The following PLCL2 variants were observed in gnomAD, a reference collection of about 807,000 sequenced individuals.
PLCL2 encodes the protein phospholipase C like 2.
In PLCL2, 4 loss-of-function variants were observed where a neutral mutation model predicts 79.6. That is an observed-to-expected ratio of 0.05 (90% CI 0.02 to 0.11). PLCL2 has a LOEUF of 0.11. Among genes scored for constraint, PLCL2 ranks in the 10% least tolerant of loss-of-function variants. The probability of loss-of-function intolerance (pLI) is 1.00; values close to 1 mark genes in which losing one functional copy is unlikely to be tolerated. For synonymous variants in PLCL2, 484 were observed against 457.7 expected (o/e 1.06, Z -0.73); for missense variants, 895 against 1,291.0 (o/e 0.69, Z 4.70).
At chr3:16,952,498 G>T (rs1343172906) in intron 1 of PLCL2, among the ~76,000 whole-genome samples, 1 of 148,798 alleles carries the variant, frequency 6.7e-6, no homozygotes, top group African/African-American at 2.5e-5. Context: ...AAAATCAGAA[G>T]TAAATGTCTA....
chr3:17,023,061 G>T (rs1011817191), intron 3 of PLCL2, among the ~76,000 whole-genome samples: 6 of 152,122 alleles, frequency 3.9e-5, no homozygotes, highest in Non-Finnish European at 7.4e-5. Flanking sequence ...TCTTGGCAAA[G>T]AATGTCTAAA....
At chr3:16,929,066 G>A (rs77108842) in intron 1 of PLCL2, among the ~76,000 whole-genome samples, 27 of 224 alleles carry the variant, frequency 0.12, no homozygotes, top group African/African-American at 0.3. Flanking sequence ...TGCTGGCTTT[G>A]AACGTACACC....
chr3:16,951,034 C>T (rs111341287), intron 1 of PLCL2, among the ~76,000 whole-genome samples: 17 of 152,216 alleles, frequency 1.1e-4, no homozygotes, highest in Middle Eastern at 6.8e-3. Context: ...AGCCTCTCTT[C>T]CACCCCAAAT....
chr3:17,049,048 T>C (rs554457647), intron 4 of PLCL2, among the ~76,000 whole-genome samples: 1 of 152,060 alleles, frequency 6.6e-6, no homozygotes, highest in East Asian at 1.9e-4. Flanking sequence ...TTCATGAAGC[T>C]ATTTTTGCAG....
chr3:17,004,653 CTT>C (rs2064243180), intron 1 of PLCL2, among the ~76,000 whole-genome samples: 1 of 152,018 alleles, frequency 6.6e-6, no homozygotes, highest in African/African-American at 2.4e-5. Flanking sequence ...GTGTGAAAAA[CTT>C]TGCAGGGTAG....
At chr3:17,063,591 C>T (rs977337906) in intron 4 of PLCL2, among the ~76,000 whole-genome samples, 2 of 151,992 alleles carry the variant, frequency 1.3e-5, no homozygotes, top group African/African-American at 4.8e-5. Flanking sequence ...TTCTGTTACT[C>T]GTTGAGGTTT....
intron 1 of PLCL2, among the ~76,000 whole-genome samples, chr3:16,971,729 C>G (rs1215800080): frequency 3.3e-5 from 5 of 152,078 alleles, no homozygotes; most frequent in Admixed American, 1.3e-4. Context: ...TTTCCTTGAG[C>G]AGTGGTTTGT....
At chr3:16,901,509 C>T (rs879379749) in intron 1 of PLCL2, among the ~76,000 whole-genome samples, 7 of 152,236 alleles carry the variant, frequency 4.6e-5, no homozygotes, top group Non-Finnish European at 8.8e-5. Flanking sequence ...ACCCCCTCAC[C>T]GTCCTTAGCA....
intron 1 of PLCL2, among the ~76,000 whole-genome samples, chr3:16,923,298 G>A (rs1031615790): frequency 3.3e-5 from 5 of 152,190 alleles, no homozygotes; most frequent in Admixed American, 6.5e-5. Context: ...CTGGAGGGCA[G>A]GTATCACATC....
chr3:17,006,598 A>T (rs529859507), intron 1 of PLCL2, among the ~76,000 whole-genome samples: 3 of 152,346 alleles, frequency 2.0e-5, no homozygotes, highest in African/African-American at 7.2e-5. Flanking sequence ...CTATGGAGAC[A>T]GTTCTAGGCA....
At chr3:17,065,292 T>C (rs2064998362) in intron 4 of PLCL2, among the ~76,000 whole-genome samples, 1 of 152,192 alleles carries the variant, frequency 6.6e-6, no homozygotes, top group South Asian at 2.1e-4. Flanking sequence ...TGTTTCCCCA[T>C]TTCTTCCTTA....
At chr3:17,060,780 G>A (rs896978073) in intron 4 of PLCL2, among the ~76,000 whole-genome samples, 3 of 152,136 alleles carry the variant, frequency 2.0e-5, no homozygotes, top group African/African-American at 7.2e-5. Context: ...AAACGCACCT[G>A]TGTTATATGG....
intron 2 of PLCL2, among the ~76,000 whole-genome samples, chr3:17,013,732 C>T (rs539463142): frequency 6.6e-5 from 10 of 152,344 alleles, no homozygotes; most frequent in African/African-American, 1.9e-4. Flanking sequence ...CCCGCATGCC[C>T]GGCCTAGACC....
rs1317239524 is a variant in PLCL2 at position 17,011,255 on chromosome 3, T to G, written c.1909T>G (p.Phe637Val). The change falls in exon 2 of 6, where the codon TTT becomes GTT. Residue 637 changes from phenylalanine to valine, a missense_variant. Transcript: ENST00000615277. This position sits in a 1 kb window ranked among gnomAD's most constrained non-coding sequence, Gnocchi z 7.9. Reference protein sequence around the residue: ...SVQFKEFQVSFQVQKYWEVCS... With the variant: ...SVQFKEFQVSVQVQKYWEVCS... Reference sequence around the variant, plus strand: ...TCAGTTCAAAGAATTTCAGGTGTCGTTTCAGGTTCAGAAGTACTGGGAAGT... The same window carrying G: ...TCAGTTCAAAGAATTTCAGGTGTCGGTTCAGGTTCAGAAGTACTGGGAAGT... 1 of 1,614,208 alleles carries G rather than the reference T, an allele frequency of 6.2e-7. No homozygotes were observed. Among genetic ancestry groups the G allele is most frequent in the East Asian group, 2.2e-5 (1 of 44,890 alleles).
intron 1 of PLCL2, among the ~76,000 whole-genome samples, chr3:16,965,490 T>A (rs78649618): frequency 0.15 from 22,892 of 149,312 alleles, 2,236 homozygotes; most frequent in Non-Finnish European, 0.2. Context: ...CTTAGGATTC[T>A]CTTGGCAATG....
chr3:17,014,846 C>G lies in PLCL2; in HGVS notation c.2953C>G (p.Pro985Ala), dbSNP rs1268568351. 1 of 1,613,980 alleles carries G rather than the reference C, an allele frequency of 6.2e-7. No homozygotes were observed. The highest frequency in any genetic ancestry group is 8.5e-7 in the Non-Finnish European group (1 of 1,179,994). ...LVVLNLSEQY[P>A]TMELQGIVPE... ...GGTCCTAAATCTCAGCGAGCAGTAC[C>G]CCACAATGGAGCTGCAGGGAATTGT... Residue 985 changes from proline (P) to alanine (A), a missense_variant, in exon 3 of 6, where the codon CCC (proline) becomes GCC (alanine). Transcript: ENST00000615277.
At chr3:16,896,827 T>A (rs1253771515) in intron 1 of PLCL2, among the ~76,000 whole-genome samples, 1 of 152,210 alleles carries the variant, frequency 6.6e-6, no homozygotes. Context: ...AATCTTCAGA[T>A]GGGTCATTTT....
chr3:16,987,889 A>G (rs147787671), intron 1 of PLCL2, among the ~76,000 whole-genome samples: 4 of 152,218 alleles, frequency 2.6e-5, no homozygotes, highest in Non-Finnish European at 4.4e-5. Context: ...ATTAAAGTAA[A>G]TGTAATAATT....
chr3:17,071,472 T>TG (rs1482571445), intron 5 of PLCL2, among the ~76,000 whole-genome samples: 1 of 152,224 alleles, frequency 6.6e-6, no homozygotes, highest in Admixed American at 6.5e-5. Context: ...AGCATTCATT[T>TG]GTTGTTATAA....
Sources: gnomAD v4.1 joint callset for allele counts (sites outside exome capture counted in the v4.1 genomes callset) on GRCh38, gnomAD v4.1.1 for gene constraint, Gnocchi (gnomAD v3.1) non-coding constraint, MANE v1.5 for transcripts, NCBI Gene and HGNC (gene_info 2026-07-23, HGNC 2026-07-21) for gene names.